CDC42BPA: variants seen among roughly 807,000 people sequenced by gnomAD.
The protein encoded by CDC42BPA is serine/threonine-protein kinase MRCK alpha.
Under a neutral mutation model 223.5 loss-of-function variants are expected in CDC42BPA, and 80 were observed. That is an observed-to-expected ratio of 0.36 (90% CI 0.30 to 0.43). The LOEUF is 0.43. Ranked by LOEUF, CDC42BPA falls within the 20% of genes least tolerant of loss-of-function variation. The pLI is 1.00. For missense variants in CDC42BPA, 1,743 were observed against 2,099.9 expected (o/e 0.83, Z 3.32); for synonymous variants, 694 against 718.6 (o/e 0.97, Z 0.55).
At chr1:227,034,308 A>G (rs758019944) in intron 26 of CDC42BPA, among the ~76,000 whole-genome samples, 3 of 152,084 alleles carry the variant, frequency 2.0e-5, no homozygotes, top group Non-Finnish European at 2.9e-5. Context: ...AGCCTTTCTG[A>G]TTTTTATTTT....
intron 17 of CDC42BPA, among the ~76,000 whole-genome samples, chr1:227,074,577 T>A (rs1345960672): frequency 6.6e-6 from 1 of 152,170 alleles, no homozygotes; most frequent in African/African-American, 2.4e-5. Flanking sequence ...GAGCAGGTGA[T>A]GTTTACAAAA....
chr1:226,994,180 C>CGAGCA lies in CDC42BPA; in HGVS notation c.*83_*87dup. 7.3e-7 allele frequency: 1 copy of CGAGCA among 1,369,878 alleles called. No individual in the cohort carries two copies. The highest frequency in any genetic ancestry group is 9.9e-7 in the Non-Finnish European group (1 of 1,007,572). 84.9% of individuals were successfully genotyped at this position (1,369,878 alleles called of 1,614,324 possible). ...TGCCAGCCCCTGGTGGCTTTCAGGC[C>CGAGCA]GAGCAGGCGAGGTGGAGGGAAGAGA... On this transcript the variant is annotated 3_prime_UTR_variant, in exon 37 of 37. Transcript: ENST00000366766. This position sits in a 1 kb window ranked among gnomAD's most constrained non-coding sequence, Gnocchi z 4.0.
intron 4 of CDC42BPA, among the ~76,000 whole-genome samples, chr1:227,198,140 T>G (rs1194465974): frequency 6.6e-6 from 1 of 152,064 alleles, no homozygotes; most frequent in Non-Finnish European, 1.5e-5. Flanking sequence ...CATTTTCTAT[T>G]CTATTTAATC....
At chr1:227,184,004 G>A (rs1668364041) in intron 5 of CDC42BPA, among the ~76,000 whole-genome samples, 2 of 152,012 alleles carry the variant, frequency 1.3e-5, no homozygotes, top group Non-Finnish European at 2.9e-5. Flanking sequence ...CTCCTCTTGG[G>A]TGAAATGTCT....
Position 227,108,736 on chromosome 1 carries a change from T to A in CDC42BPA, c.2001+3576A>T, listed in dbSNP as rs564546661. On this transcript the variant is annotated intron_variant, in intron 14 of 36. Coordinates refer to ENST00000366766, the MANE Select transcript of CDC42BPA (RefSeq NM_001394014.1). ...CCTACACACATCCTCCCATATACTT[T>A]AAATCACCTCTAGATTACAGTCACA... Among the ~76,000 whole-genome samples the A allele has an allele frequency of 1.5e-4, 23 of 152,322 alleles. 1 individual carries two copies. In the South Asian group the frequency reaches 4.8e-3, roughly 32 times the overall value.
chr1:227,020,359 C>G (rs573052292), intron 32 of CDC42BPA, among the ~76,000 whole-genome samples: 5 of 152,262 alleles, frequency 3.3e-5, no homozygotes, highest in Non-Finnish European at 7.3e-5. Flanking sequence ...ATGACATCTT[C>G]TTCCTACAGA....
chr1:227,230,197 T>C (rs758828279), intron 2 of CDC42BPA, among the ~76,000 whole-genome samples: 21 of 152,250 alleles, frequency 1.4e-4, no homozygotes, highest in Non-Finnish European at 1.2e-4. Context: ...GGGCTGAATG[T>C]TGGGAGTTTA....
intron 34 of CDC42BPA, among the ~76,000 whole-genome samples, chr1:227,006,337 A>T (rs577294499): frequency 6.6e-6 from 1 of 152,152 alleles, no homozygotes; most frequent in South Asian, 2.1e-4. Context: ...GGTGTGCCAT[A>T]AAGGCAGCAT....
At chr1:227,168,850 T>A (rs956562113) in intron 5 of CDC42BPA, among the ~76,000 whole-genome samples, 9 of 152,108 alleles carry the variant, frequency 5.9e-5, no homozygotes, top group Non-Finnish European at 1.0e-4. Flanking sequence ...TTCATCAAAT[T>A]TGAGGCCATT....
rs562307242 is a variant in CDC42BPA at position 227,277,067 on chromosome 1, T to C, written c.179-22912A>G. Among the ~76,000 whole-genome samples the C allele has an allele frequency of 5.6e-3, 655 of 115,950 alleles. 4 individuals are homozygous for C. The highest frequency in any genetic ancestry group is 0.021 in the African/African-American group (628 of 30,280). 76.1% of individuals were successfully genotyped at this position (115,950 alleles called of 152,430 possible). A position where few individuals can be genotyped will look rare whatever the true frequency, so the allele number is the denominator to read the frequency against. On this transcript the variant is annotated intron_variant, in intron 1 of 36. Coordinates refer to ENST00000366766, the MANE Select transcript of CDC42BPA (RefSeq NM_001394014.1). Reference sequence around the variant, plus strand: ...CTCTCCGAGAAACACCCAAGAATGATCAATAAATACTAAAAAAAAAAAAAA... The same window carrying C: ...CTCTCCGAGAAACACCCAAGAATGACCAATAAATACTAAAAAAAAAAAAAA...
chr1:227,111,838 GAAGTT>G (rs1224669017), intron 14 of CDC42BPA: 1 of 152,500 alleles, frequency 6.6e-6, no homozygotes, highest in Non-Finnish European at 1.5e-5. Context: ...GTGAAAGCAA[GAAGTT>G]AAGAATAGGT....
At chr1:227,065,395 T>G (rs537927434) in intron 21 of CDC42BPA, among the ~76,000 whole-genome samples, 18 of 151,990 alleles carry the variant, frequency 1.2e-4, no homozygotes, top group Non-Finnish European at 1.5e-5. Flanking sequence ...AAGCAGAGAG[T>G]GTTGAGAATA....
intron 14 of CDC42BPA, among the ~76,000 whole-genome samples, chr1:227,106,631 T>G (rs531120558): frequency 1.8e-4 from 28 of 152,278 alleles, no homozygotes; most frequent in Non-Finnish European, 3.7e-4. Flanking sequence ...TGGTGTTAAT[T>G]CTTCTTTCAG....
chr1:227,167,968 A>G (rs1665338932), intron 5 of CDC42BPA, among the ~76,000 whole-genome samples: 1 of 151,242 alleles, frequency 6.6e-6, no homozygotes, highest in Non-Finnish European at 1.5e-5. Context: ...TCTGTCACCC[A>G]GGCTCAAGTG....
In CDC42BPA at chr1:227,031,479, T is replaced by C. The variant is rs1669278156; in HGVS notation, c.3594A>G (p.Lys1198=). ...TGTCTGCTAGCATCAGGATTGAACA[T>C]TTGTTATTAGATGCTGAGAGCTGGG... ...TASQLSASNN[K]CSILMLADTE... is the part of the protein sequence containing the mutation. The change falls in exon 28 of 37, where the codon AAA becomes AAG. Residue 1198 remains lysine (K), a synonymous_variant. Transcript: ENST00000366766. The C allele has an allele frequency of 1.2e-6, 2 of 1,614,114 alleles. No individual in the cohort carries two copies. The highest frequency in any genetic ancestry group is 1.7e-6 in the Non-Finnish European group (2 of 1,179,970).
intron 1 of CDC42BPA, among the ~76,000 whole-genome samples, chr1:227,306,397 AT>A (rs1372725063): frequency 1.3e-5 from 2 of 152,188 alleles, no homozygotes; most frequent in African/African-American, 4.8e-5. Flanking sequence ...CTTAACTGGG[AT>A]TACCAGAGGT....
At chr1:227,283,105 A>AT (rs1229653170) in intron 1 of CDC42BPA, among the ~76,000 whole-genome samples, 1 of 152,212 alleles carries the variant, frequency 6.6e-6, no homozygotes, top group African/African-American at 2.4e-5. Context: ...CCTAAAAATT[A>AT]AAGATTTCTA....
At chr1:227,198,457 AGAAAGAAAG>A (rs1671130470) in intron 4 of CDC42BPA, among the ~76,000 whole-genome samples, 1 of 59,542 alleles carries the variant, frequency 1.7e-5, no homozygotes, top group Non-Finnish European at 3.8e-5. Context: ...AAAAAAGAAA[AGAAAGAAAG>A]AAAGAAAGAA....
At chr1:227,124,124 T>C (rs930661428) in intron 11 of CDC42BPA, among the ~76,000 whole-genome samples, 2 of 152,138 alleles carry the variant, frequency 1.3e-5, no homozygotes, top group Non-Finnish European at 2.9e-5. Context: ...GGCAATAAGC[T>C]TGGCACTAGG....
Sources: gnomAD v4.1 joint callset for allele counts (sites outside exome capture counted in the v4.1 genomes callset) on GRCh38, gnomAD v4.1.1 for gene constraint, Gnocchi (gnomAD v3.1) non-coding constraint, MANE v1.5 for transcripts, NCBI Gene and HGNC (gene_info 2026-07-23, HGNC 2026-07-21) for gene names.